The following PDE6A variants were observed in gnomAD, a reference collection of about 807,000 sequenced individuals.
PDE6A encodes rod cGMP-specific 3',5'-cyclic phosphodiesterase subunit alpha.
A neutral mutation model predicts 106.3 loss-of-function variants in PDE6A; 84 were observed. The ratio of observed to expected loss-of-function variants is 0.79; its 90% CI spans 0.66 to 0.95. The LOEUF (loss-of-function observed/expected upper bound fraction) is 0.95, where lower values mean the gene tolerates loss of function less well. Among genes scored for constraint, PDE6A ranks in the 40% least tolerant of loss-of-function variants. PDE6A has a pLI of 0.00. For missense variants in PDE6A, 1,052 were observed against 1,084.9 expected (o/e 0.97, Z 0.43); for synonymous variants, 394 against 386.6 (o/e 1.02, Z -0.23).
chr5:149,944,675 G>T lies in PDE6A; in HGVS notation c.-2C>A. ...CTCCTCTGCTGTCACCTCGCCCATGGCTGGGAATCCCACTGGCTACTCTGT... is the reference window on the plus strand; with the variant it reads ...CTCCTCTGCTGTCACCTCGCCCATGTCTGGGAATCCCACTGGCTACTCTGT... On this transcript the variant is annotated 5_prime_UTR_variant, in exon 1 of 22. Coordinates refer to ENST00000255266, the MANE Select transcript of PDE6A (RefSeq NM_000440.3). The T allele has an allele frequency of 1.2e-6, 2 of 1,601,954 alleles. No homozygotes were observed. The highest frequency in any genetic ancestry group is 1.7e-6 in the Non-Finnish European group (2 of 1,174,578).
chr5:149,917,534 G>A lies in PDE6A; in HGVS notation c.934-2527C>T, dbSNP rs531823693. ...CTGCTGCTCAAAGCCTAGCATTGGC[G>A]GCAGCTGCACTGACTGAATACTTCT... On this transcript the variant is annotated intron_variant, in intron 5 of 21. Transcript: ENST00000255266. 7.3e-4 allele frequency among the ~76,000 whole-genome samples: 111 copies of A among 152,184 alleles called. No homozygotes were observed. In the Middle Eastern group the frequency reaches 0.027, roughly 37 times the overall value.
intron 4 of PDE6A, among the ~76,000 whole-genome samples, chr5:149,925,766 A>G (rs1314578259): frequency 6.6e-6 from 1 of 152,100 alleles, no homozygotes; most frequent in African/African-American, 2.4e-5. Flanking sequence ...AAATATTCAA[A>G]CTAAAGCACA....
chr5:149,918,625 T>G (rs1409810713), intron 5 of PDE6A, among the ~76,000 whole-genome samples: 1 of 152,152 alleles, frequency 6.6e-6, no homozygotes, highest in Non-Finnish European at 1.5e-5. Flanking sequence ...TAATTTACTT[T>G]TTTTGAGCCA....
intron 5 of PDE6A, among the ~76,000 whole-genome samples, chr5:149,918,459 A>G (rs1294121711): frequency 6.6e-6 from 1 of 152,256 alleles, no homozygotes; most frequent in African/African-American, 2.4e-5. Context: ...TCCTGCAAAG[A>G]GAGTTTGCTA....
At chr5:149,882,128 A>G (rs1241197848) in intron 17 of PDE6A, among the ~76,000 whole-genome samples, 1 of 151,986 alleles carries the variant, frequency 6.6e-6, no homozygotes, top group Non-Finnish European at 1.5e-5. Flanking sequence ...CCAGTCTATG[A>G]GTAACTGTGG....
At chr5:149,887,012 A>G (rs1019385916) in intron 13 of PDE6A, among the ~76,000 whole-genome samples, 2 of 152,180 alleles carry the variant, frequency 1.3e-5, no homozygotes, top group African/African-American at 4.8e-5. Context: ...CTCTGGCCTG[A>G]CCATTTCAGC....
chr5:149,867,034 TC>T (rs1760355979), intron 19 of PDE6A: 1 of 156,696 alleles, frequency 6.4e-6, no homozygotes, highest in Admixed American at 6.1e-5. Context: ...CCTTCTACTC[TC>T]TCTCGGCTCC....
At chr5:149,891,102 A>G (rs982517336) in intron 13 of PDE6A, among the ~76,000 whole-genome samples, 7 of 152,160 alleles carry the variant, frequency 4.6e-5, no homozygotes, top group African/African-American at 1.7e-4. Context: ...AGATTACTGC[A>G]CTCCATGACT....
rs750717403 is a variant in PDE6A, at chr5:149,884,619, G to T, written c.1927-40C>A. On this transcript the variant is annotated intron_variant, in intron 15 of 21. Coordinates refer to ENST00000255266, the MANE Select transcript of PDE6A (RefSeq NM_000440.3). ...AGAAGCGAGATGGGAGAGAATTGAT[G>T]CTGGCAGTAAAGTCACCCACCTACC... is the stretch of plus-strand genomic sequence containing the variant. 1.9e-6 allele frequency: 3 copies of T among 1,547,252 alleles called. No homozygotes were observed. The South Asian group carries it at 3.3e-5, about 17-fold the overall frequency.
chr5:149,891,728 G>C (rs1459463566), intron 13 of PDE6A, among the ~76,000 whole-genome samples: 1 of 151,524 alleles, frequency 6.6e-6, no homozygotes, highest in Non-Finnish European at 1.5e-5. Flanking sequence ...GCTTGAGCCT[G>C]AGAGGTCAAG....
intron 13 of PDE6A, among the ~76,000 whole-genome samples, chr5:149,888,331 TGACA>T (rs966142609): frequency 3.3e-5 from 5 of 152,006 alleles, no homozygotes; most frequent in African/African-American, 9.7e-5. Flanking sequence ...ATTGCTGGTG[TGACA>T]GACAGTTCAC....
chr5:149,896,542 G>A lies in PDE6A; in HGVS notation c.1474-40C>T, dbSNP rs1343746416. Reference sequence around the variant, plus strand: ...GAGTCAGGTGATTAGGAAACATGAAGTGTTTCTGGGTGCCCACCTCCTGTC... The same window carrying A: ...GAGTCAGGTGATTAGGAAACATGAAATGTTTCTGGGTGCCCACCTCCTGTC... On this transcript the variant is annotated intron_variant, in intron 11 of 21. Coordinates refer to ENST00000255266, the MANE Select transcript of PDE6A (RefSeq NM_000440.3). The A allele has an allele frequency of 3.1e-6, 5 of 1,614,080 alleles. No individual in the cohort carries two copies. In the South Asian group the frequency reaches 5.5e-5, roughly 18 times the overall value.
intron 4 of PDE6A, among the ~76,000 whole-genome samples, chr5:149,923,618 G>A (rs769601815): frequency 8.6e-5 from 13 of 152,016 alleles, no homozygotes; most frequent in Non-Finnish European, 1.6e-4. Context: ...GACACAGGCA[G>A]AGGGAAGAGG....
rs1282348743 is a variant in PDE6A, at chr5:149,863,451, C to T, written c.2359-185G>A. Among the ~76,000 whole-genome samples, 1 of 152,174 alleles carries T rather than the reference C, an allele frequency of 6.6e-6. No homozygotes were observed. Among genetic ancestry groups the T allele is most frequent in the Non-Finnish European group, 1.5e-5 (1 of 68,034 alleles). ...AGCCCATGCCTCACCTGCTTAGAAG[C>T]CTCCTGTGGCGCCCCTGTCCTTCAG... On this transcript the variant is annotated intron_variant, in intron 20 of 21. Coordinates refer to ENST00000255266, the MANE Select transcript of PDE6A (RefSeq NM_000440.3). This position sits in a 1 kb window ranked among gnomAD's most constrained non-coding sequence, Gnocchi z 4.7.
intron 6 of PDE6A, among the ~76,000 whole-genome samples, chr5:149,908,769 C>A (rs997703106): frequency 1.4e-4 from 21 of 151,986 alleles, no homozygotes; most frequent in Admixed American, 1.4e-3. Flanking sequence ...ATAGCCCCAG[C>A]GACTGAGGAG....
Position 149,944,234 on chromosome 5 carries a change from G to A in PDE6A, c.440C>T (p.Ser147Phe). 6.2e-7 allele frequency: 1 copy of A among 1,613,874 alleles called. No homozygotes were observed. The highest frequency in any genetic ancestry group is 2.2e-5 in the East Asian group (1 of 44,828). Reference sequence around the variant, plus strand: ...GTTGGGGACGTTAGCAATCTTCTTAGAGTGTGCGACATGGCCCACGATGCC... The same window carrying A: ...GTTGGGGACGTTAGCAATCTTCTTAAAGTGTGCGACATGGCCCACGATGCC... ...DMGIVGHVAH[S>F]KKIANVPNTE... The change falls in exon 1 of 22, where the codon TCT (serine) becomes TTT (phenylalanine). Residue 147 changes from serine to phenylalanine, a missense_variant. Ser to Phe is a radical substitution (Grantham distance 155, BLOSUM62 -2). Transcript: ENST00000255266.
At chr5:149,907,989 C>A (rs1012898062) in intron 6 of PDE6A, among the ~76,000 whole-genome samples, 7 of 152,214 alleles carry the variant, frequency 4.6e-5, no homozygotes, top group Admixed American at 4.6e-4. Flanking sequence ...TTCTCCCTAA[C>A]CCCAAAGGTA....
chr5:149,923,301 C>G (rs2113643222), intron 4 of PDE6A, among the ~76,000 whole-genome samples: 1 of 152,120 alleles, frequency 6.6e-6, no homozygotes, highest in Admixed American at 6.5e-5. Context: ...AGTTTGACAC[C>G]AGCCTGAGCA....
chr5:149,903,472 G>A (rs1351568988), intron 8 of PDE6A, among the ~76,000 whole-genome samples, 176 bp downstream of exon 8: 1 of 151,998 alleles, frequency 6.6e-6, no homozygotes, highest in African/African-American at 2.4e-5. Flanking sequence ...TAGGACCTTG[G>A]AAATTACCCA....
Sources: allele counts gnomAD v4.1 joint callset (sites outside exome capture counted in the v4.1 genomes callset), GRCh38; gene constraint gnomAD v4.1.1; non-coding constraint Gnocchi (gnomAD v3.1); transcripts MANE v1.5; gene names NCBI Gene and HGNC (gene_info 2026-07-23, HGNC 2026-07-21).